The following MLIP variants were observed in gnomAD, a reference collection of about 807,000 sequenced individuals.
MLIP encodes the protein muscular LMNA interacting protein, also known as muscular LMNA-interacting protein.
MLIP carries 79 observed loss-of-function variants against 84.8 expected under a neutral mutation model. The observed-to-expected ratio is 0.93, with a 90% CI of 0.78 to 1.12. The LOEUF is 1.12. Among genes scored for constraint, MLIP ranks in the 50% most tolerant of loss-of-function variants. The probability of loss-of-function intolerance (pLI) is 0.00; values close to 1 mark genes in which losing one functional copy is unlikely to be tolerated. For missense variants in MLIP, 1,257 were observed against 1,160.6 expected, an observed-to-expected ratio of 1.08 and a Z score of -1.21; for synonymous variants, 504 against 463.0, an observed-to-expected ratio of 1.09 and a Z score of -1.14.
intron 1 of MLIP, among the ~76,000 whole-genome samples, chr6:54,023,785 G>T (rs993322869): frequency 2.0e-5 from 3 of 151,974 alleles, no homozygotes; most frequent in Admixed American, 1.3e-4. Context: ...AGCCAAGCTG[G>T]TCTCAAATTC....
chr6:54,168,211 G>A (rs1001923608), intron 8 of MLIP, among the ~76,000 whole-genome samples: 9 of 151,662 alleles, frequency 5.9e-5, no homozygotes, highest in African/African-American at 1.9e-4. Context: ...CCTCTTGTTG[G>A]AATGCTCTTT....
chr6:54,253,980 T>G (rs1782813463), intron 12 of MLIP, among the ~76,000 whole-genome samples: 2 of 150,460 alleles, frequency 1.3e-5, no homozygotes, highest in South Asian at 4.2e-4. Flanking sequence ...AACTTTTTAG[T>G]TATTTTTTTC....
At chr6:54,265,343 C>T (rs1783625265) in intron 13 of MLIP, among the ~76,000 whole-genome samples, 1 of 152,096 alleles carries the variant, frequency 6.6e-6, no homozygotes, top group East Asian at 1.9e-4. Flanking sequence ...CCAGACAGTT[C>T]AACCCTATCA....
At chr6:54,259,287 A>G (rs939437706) in intron 13 of MLIP, among the ~76,000 whole-genome samples, 3 of 151,838 alleles carry the variant, frequency 2.0e-5, no homozygotes, top group African/African-American at 7.2e-5. Flanking sequence ...TTAGAAAAAT[A>G]TATACTTTCA....
intron 1 of MLIP, among the ~76,000 whole-genome samples, chr6:54,071,050 T>C (rs752539553): frequency 6.6e-6 from 1 of 152,164 alleles, no homozygotes; most frequent in African/African-American, 2.4e-5. Flanking sequence ...ATACTTTAGA[T>C]AGAGTTAAGA....
chr6:54,033,018 A>G (rs1764227160), intron 1 of MLIP, among the ~76,000 whole-genome samples: 1 of 152,176 alleles, frequency 6.6e-6, no homozygotes, highest in Non-Finnish European at 1.5e-5. Context: ...AGTAGTCTAA[A>G]TATTTCAGGA....
chr6:54,227,979 C>G (rs950214856), intron 11 of MLIP, among the ~76,000 whole-genome samples: 2 of 151,858 alleles, frequency 1.3e-5, no homozygotes, highest in Admixed American at 6.6e-5. Flanking sequence ...GTCAGGAGAT[C>G]GAGATCATTC....
chr6:54,237,394 A>C (rs1167875950), intron 12 of MLIP, among the ~76,000 whole-genome samples: 3 of 152,148 alleles, frequency 2.0e-5, no homozygotes, highest in Admixed American at 6.5e-5. Flanking sequence ...GGTAGTTTGA[A>C]GTTCAGAGGA....
At chr6:54,244,832 T>A (rs917600625) in intron 12 of MLIP, among the ~76,000 whole-genome samples, 3 of 152,234 alleles carry the variant, frequency 2.0e-5, no homozygotes, top group African/African-American at 7.2e-5. Flanking sequence ...CAAGCTCATG[T>A]GTTGTCTGCC....
At chr6:54,185,637 A>G (rs1252365710) in intron 9 of MLIP, among the ~76,000 whole-genome samples, 1 of 152,224 alleles carries the variant, frequency 6.6e-6, no homozygotes, top group Non-Finnish European at 1.5e-5. Flanking sequence ...TATTGTTAAT[A>G]TGTAACTTCT....
intron 12 of MLIP, among the ~76,000 whole-genome samples, chr6:54,249,506 G>A (rs1335437541): frequency 2.0e-5 from 3 of 151,488 alleles, no homozygotes; most frequent in Non-Finnish European, 4.4e-5. Flanking sequence ...TCTATCGAGA[G>A]GAGCTTTTTC....
intron 1 of MLIP, among the ~76,000 whole-genome samples, chr6:54,076,810 C>T (rs962293778): frequency 6.6e-6 from 1 of 151,960 alleles, no homozygotes; most frequent in Non-Finnish European, 1.5e-5. Flanking sequence ...TGTTTCTAGG[C>T]TTGATTTAGG....
intron 11 of MLIP, chr6:54,216,285 A>G (rs1779849375): frequency 5.1e-6 from 5 of 985,428 alleles, no homozygotes; most frequent in Non-Finnish European, 6.0e-6. Context: ...GAGCAATTGT[A>G]GAAGCCTATT....
At chr6:54,157,363 T>A (rs1774139335) in intron 5 of MLIP, among the ~76,000 whole-genome samples, 1 of 152,146 alleles carries the variant, frequency 6.6e-6, no homozygotes, top group Non-Finnish European at 1.5e-5. Flanking sequence ...CCCTCTTCAC[T>A]CTGCTCCTGC....
intron 5 of MLIP, among the ~76,000 whole-genome samples, chr6:54,159,558 AT>A (rs1201132091): frequency 1.3e-5 from 2 of 152,034 alleles, no homozygotes; most frequent in Middle Eastern, 3.2e-3. Flanking sequence ...TGGTTTCTAG[AT>A]TTTATAGTTT....
At chr6:54,143,611 G>A (rs1037218636) in intron 4 of MLIP, among the ~76,000 whole-genome samples, 4 of 152,118 alleles carry the variant, frequency 2.6e-5, no homozygotes, top group Admixed American at 6.6e-5. Context: ...ACAGGTTTAC[G>A]TCATGAAGAA....
chr6:54,100,374 G>A (rs1768553084), intron 1 of MLIP, among the ~76,000 whole-genome samples: 1 of 151,860 alleles, frequency 6.6e-6, no homozygotes, highest in Admixed American at 6.6e-5. Context: ...TTTATATAAT[G>A]TATTATTTTA....
At chr6:54,079,328 C>T (rs902291447) in intron 1 of MLIP, among the ~76,000 whole-genome samples, 1 of 152,178 alleles carries the variant, frequency 6.6e-6, no homozygotes, top group East Asian at 1.9e-4. Flanking sequence ...GCAGGTAAAG[C>T]ACCTCTAATG....
chr6:54,236,186 T>G (rs1781348878), intron 12 of MLIP, among the ~76,000 whole-genome samples: 1 of 152,184 alleles, frequency 6.6e-6, no homozygotes, highest in Admixed American at 6.5e-5. Context: ...ACTCATTGTG[T>G]TTGCTCTTCT....
Sources: allele counts gnomAD v4.1 joint callset (sites outside exome capture counted in the v4.1 genomes callset), GRCh38; gene constraint gnomAD v4.1.1; transcripts MANE v1.5; gene names NCBI Gene and HGNC (gene_info 2026-07-23, HGNC 2026-07-21).